Variants in PLEKHA7 observed in about 807,000 individuals in gnomAD.
PLEKHA7 encodes pleckstrin homology domain-containing family A member 7.
PLEKHA7 carries 104 observed loss-of-function variants against 170.0 expected under a neutral mutation model. That is an observed-to-expected ratio of 0.61 (90% CI 0.52 to 0.72). PLEKHA7 has a LOEUF of 0.72. PLEKHA7 is among the 30% of genes least tolerant of loss of function. The pLI, the probability that PLEKHA7 is intolerant of heterozygous loss-of-function variation, is 0.00. For missense variants in PLEKHA7, 1,615 were observed against 1,671.7 expected (o/e 0.97, Z 0.59); for synonymous variants, 648 against 660.8 (o/e 0.98, Z 0.30).
At chr11:16,915,202 TG>T (rs1297970017) in intron 3 of PLEKHA7, among the ~76,000 whole-genome samples, 5 of 152,206 alleles carry the variant, frequency 3.3e-5, no homozygotes, top group African/African-American at 1.2e-4. Context: ...AACATTGCCC[TG>T]AACTCACAAC....
chr11:16,842,677 A>G (rs537900329), intron 8 of PLEKHA7: 19 of 152,184 alleles, frequency 1.2e-4, no homozygotes, highest in Non-Finnish European at 2.2e-4. Context: ...CAAATCAGAG[A>G]CAACACCAGT....
chr11:16,995,980 C>A (rs1590812490), intron 3 of PLEKHA7, among the ~76,000 whole-genome samples: 1 of 152,146 alleles, frequency 6.6e-6, no homozygotes, highest in Admixed American at 6.5e-5. Context: ...TACACAGGTA[C>A]GCTCTGTGTA....
intron 3 of PLEKHA7, among the ~76,000 whole-genome samples, chr11:16,989,205 C>T (rs1166101141): frequency 1.3e-5 from 2 of 152,272 alleles, no homozygotes; most frequent in African/African-American, 2.4e-5. Context: ...GGGCCCTGGC[C>T]ATGTGGGAGC....
intron 8 of PLEKHA7, 119 bp from the exon 9 acceptor site, chr11:16,841,841 T>A: frequency 1.0e-6 from 1 of 960,590 alleles, no homozygotes; most frequent in East Asian, 2.7e-5. Flanking sequence ...CCACCCAACT[T>A]GTTTCCACAC....
At chr11:16,831,505 A>G (rs138780525) in intron 9 of PLEKHA7, among the ~76,000 whole-genome samples, 1,999 of 152,320 alleles carry the variant, frequency 0.013, 20 homozygotes, top group Middle Eastern at 0.02. Context: ...AGCCTTTCCC[A>G]GCTGGGCTGC....
intron 3 of PLEKHA7, among the ~76,000 whole-genome samples, chr11:16,964,219 G>A (rs1862235098): frequency 6.6e-6 from 1 of 152,158 alleles, no homozygotes; most frequent in Admixed American, 6.5e-5. Context: ...TTCATCTGTT[G>A]ATGGAAACTT....
At chr11:16,865,701 AAAAG>A (rs1003138576) in intron 4 of PLEKHA7, among the ~76,000 whole-genome samples, 1 of 151,996 alleles carries the variant, frequency 6.6e-6, no homozygotes, top group Non-Finnish European at 1.5e-5. Context: ...CATCTCAAAA[AAAAG>A]AAAAGAAATG....
rs1043237783 is a variant in PLEKHA7 at position 17,014,003 on chromosome 11, G to A, written c.207C>T (p.Ala69=). The A allele has an allele frequency of 4.4e-5, 68 of 1,545,994 alleles. No individual in the cohort carries two copies. Among genetic ancestry groups the A allele is most frequent in the Non-Finnish European group, 5.6e-5 (64 of 1,145,598 alleles). ...CACTCACTCACTCGATGAAGTAGCT[G>A]GCGCCCTCCTCCGTGAAGCCCTCCT... ...GWEEGFTEEG[A]SYFIDHNQQT... Residue 69 remains alanine, a synonymous_variant, in exon 3 of 27, where the codon GCC becomes GCT. Transcript: ENST00000531066.
In PLEKHA7 at chr11:16,801,809, T is replaced by C. The variant is rs528946809; in HGVS notation, c.2166A>G (p.Leu722=). 2 of 1,614,102 alleles carry C rather than the reference T, an allele frequency of 1.2e-6. No individual in the cohort carries two copies. Among genetic ancestry groups the C allele is most frequent in the African/African-American group, 1.3e-5 (1 of 75,026 alleles). ...TGTGCAACACCTCCAGCACAGATTC[T>C]AGCTGGTCCTGCACCACGAAGGGCC... ...IRALKENKDQ[L]ESVLEVLHRQ... The change falls in exon 16 of 27, where the codon CTA becomes CTG. Residue 722 remains leucine (L), a synonymous_variant. Transcript: ENST00000531066.
chr11:16,964,291 T>C (rs1862239949), intron 3 of PLEKHA7, among the ~76,000 whole-genome samples: 1 of 152,256 alleles, frequency 6.6e-6, no homozygotes, highest in African/African-American at 2.4e-5. Context: ...TGTACAAATA[T>C]CTGTTTGAGC....
chr11:16,894,760 C>G (rs1195997214), intron 3 of PLEKHA7, among the ~76,000 whole-genome samples: 1 of 152,174 alleles, frequency 6.6e-6, no homozygotes, highest in Non-Finnish European at 1.5e-5. Flanking sequence ...CACGAGACTT[C>G]TCCTGCAGAT....
In PLEKHA7 at chr11:16,865,696, C is replaced by T. The variant is rs562534649; in HGVS notation, c.305+5403G>A. Among the ~76,000 whole-genome samples the T allele has an allele frequency of 2.8e-3, 420 of 151,096 alleles. 1 individual carries two copies. Among genetic ancestry groups the T allele is most frequent in the African/African-American group, 9.7e-3 (399 of 41,198 alleles). On this transcript the variant is annotated intron_variant, in intron 4 of 26. Coordinates refer to ENST00000531066, the MANE Select transcript of PLEKHA7 (RefSeq NM_001329630.2). ...TGGGCAACACAGGGAGACACCATCTCAAAAAAAAGAAAAGAAATGAGCACT... is the reference window on the plus strand; with the variant it reads ...TGGGCAACACAGGGAGACACCATCTTAAAAAAAAGAAAAGAAATGAGCACT...
intron 9 of PLEKHA7, among the ~76,000 whole-genome samples, chr11:16,837,974 G>A (rs1448426338): frequency 6.6e-6 from 1 of 152,144 alleles, no homozygotes; most frequent in African/African-American, 2.4e-5. Context: ...GATCTCCAAG[G>A]AATCAAAGGG....
chr11:16,945,239 A>G (rs771594749), intron 3 of PLEKHA7, among the ~76,000 whole-genome samples: 3 of 152,148 alleles, frequency 2.0e-5, no homozygotes, highest in African/African-American at 7.2e-5. Flanking sequence ...CCCGGCCCCA[A>G]AAGAGTTAAT....
chr11:16,821,264 T>G (rs552152150), intron 10 of PLEKHA7, among the ~76,000 whole-genome samples: 35 of 152,362 alleles, frequency 2.3e-4, no homozygotes, highest in African/African-American at 8.4e-4. Flanking sequence ...ACTCTGTTCC[T>G]TATTGTAGTG....
chr11:17,002,833 C>T (rs541878352), intron 3 of PLEKHA7, among the ~76,000 whole-genome samples: 1 of 151,380 alleles, frequency 6.6e-6, no homozygotes, highest in East Asian at 2.0e-4. Context: ...CTAACTCAGA[C>T]TCACCCACTG....
chr11:16,814,468 C>A (rs919069707), intron 12 of PLEKHA7, among the ~76,000 whole-genome samples: 2 of 152,218 alleles, frequency 1.3e-5, no homozygotes, highest in Non-Finnish European at 2.9e-5. Flanking sequence ...CTGAGGACAA[C>A]CCCAGGGAGG....
At chr11:16,788,182 G>A (rs531503204) in intron 23 of PLEKHA7, 34 of 152,562 alleles carry the variant, frequency 2.2e-4, no homozygotes, top group African/African-American at 7.7e-4. Flanking sequence ...AGGCTTGTGG[G>A]GTGGCTTTTG....
At chr11:16,794,391 T>A (rs1287746415) in intron 19 of PLEKHA7, 97 bp downstream of exon 19, 5 of 1,274,526 alleles carry the variant, frequency 3.9e-6, no homozygotes, top group Admixed American at 3.4e-5. Flanking sequence ...GCTGGGTCCA[T>A]TTCCCCAAGT....
Sources: gnomAD v4.1 joint callset for allele counts (sites outside exome capture counted in the v4.1 genomes callset) on GRCh38, gnomAD v4.1.1 for gene constraint, MANE v1.5 for transcripts, NCBI Gene and HGNC (gene_info 2026-07-23, HGNC 2026-07-21) for gene names.